CMC1: variants seen among roughly 807,000 people sequenced by gnomAD.
The protein encoded by CMC1 is COX assembly mitochondrial protein homolog.
In CMC1, 14 loss-of-function variants were observed where a neutral mutation model predicts 14.1. That is an observed-to-expected ratio of 0.99 (90% CI 0.66 to 1.55). The LOEUF is 1.55. CMC1 is among the 40% of genes most tolerant of loss of function. The pLI, the probability that CMC1 is intolerant of heterozygous loss-of-function variation, is 0.00. For missense variants in CMC1, 127 were observed against 123.8 expected, an observed-to-expected ratio of 1.03 and a Z score of -0.12; for synonymous variants, 50 against 38.4, an observed-to-expected ratio of 1.30 and a Z score of -1.12.
rs1265139321 is a variant in CMC1, at chr3:28,274,206, G to GTTT, written c.109+10829_109+10831dup. ...GTGTCATTGGTCTTTGTACTAAAGTGTTTTTGTTTTTTTCTTTTTTTTTTT... is the reference window on the plus strand; with the variant it reads ...GTGTCATTGGTCTTTGTACTAAAGTGTTTTTTTTGTTTTTTTCTTTTTTTTTTT... On this transcript the variant is annotated intron_variant, in intron 2 of 3. Coordinates refer to ENST00000466830, the MANE Select transcript of CMC1 (RefSeq NM_182523.2). 8.9e-4 allele frequency among the ~76,000 whole-genome samples: 74 copies of GTTT among 83,026 alleles called. 1 individual carries two copies. Among genetic ancestry groups the GTTT allele is most frequent in the Middle Eastern group, 0.013 (2 of 160 alleles). 54.5% of individuals were successfully genotyped at this position (83,026 alleles called of 152,430 possible).
chr3:28,282,080 T>G (rs1457258713), intron 2 of CMC1, among the ~76,000 whole-genome samples: 3 of 152,190 alleles, frequency 2.0e-5, no homozygotes, highest in African/African-American at 7.2e-5. Context: ...CCTCCCTTTA[T>G]TCATTTTTTT....
At chr3:28,293,318 T>C (rs1701576484) in intron 2 of CMC1, among the ~76,000 whole-genome samples, 1 of 151,806 alleles carries the variant, frequency 6.6e-6, no homozygotes, top group South Asian at 2.1e-4. Flanking sequence ...TTTTTTTTTT[T>C]TTTCGAGTGG....
chr3:28,270,228 A>G (rs1390175304), intron 2 of CMC1, among the ~76,000 whole-genome samples: 1 of 152,204 alleles, frequency 6.6e-6, no homozygotes, highest in African/African-American at 2.4e-5. Flanking sequence ...ATACACATGC[A>G]TATATCTTTA....
chr3:28,252,360 C>T (rs1047626006), intron 1 of CMC1, among the ~76,000 whole-genome samples: 2 of 152,194 alleles, frequency 1.3e-5, no homozygotes, highest in Non-Finnish European at 2.9e-5. Flanking sequence ...ATAGGCACAT[C>T]TACCTCACTG....
intron 2 of CMC1, among the ~76,000 whole-genome samples, chr3:28,264,907 T>G (rs756873853): frequency 2.0e-5 from 3 of 152,164 alleles, no homozygotes; most frequent in Non-Finnish European, 4.4e-5. Context: ...GATTTAATTT[T>G]TACTGACATA....
chr3:28,309,244 G>GTAAC (rs1008432996), intron 2 of CMC1, among the ~76,000 whole-genome samples: 1 of 151,984 alleles, frequency 6.6e-6, no homozygotes, highest in African/African-American at 2.4e-5. Flanking sequence ...CAACTCATAG[G>GTAAC]TAACTGCCTT....
At position 28,271,494 on chromosome 3, in the gene CMC1, C is replaced by T. The variant is rs191242688; in HGVS notation, c.109+8114C>T. ...CATTGCTTGTTTTTGTCAGGTTTGT[C>T]GAAGATCAGATAGTTGTAGATGTGC... On this transcript the variant is annotated intron_variant, in intron 2 of 3. Transcript: ENST00000466830. 3.5e-3 allele frequency among the ~76,000 whole-genome samples: 529 copies of T among 152,182 alleles called. 1 individual carries two copies. The highest frequency in any genetic ancestry group is 4.3e-3 in the Non-Finnish European group (294 of 68,022).
chr3:28,318,598 C>G lies in CMC1; in HGVS notation c.201-911C>G, dbSNP rs952131467. The stretch of plus-strand genomic sequence containing the variant: ...CCAAAAATGAACTGGGCTCCTTTTG[C>G]TCGTCCTACAACGTGTCTTTGTGAA... On this transcript the variant is annotated intron_variant, in intron 3 of 3. Coordinates refer to ENST00000466830, the MANE Select transcript of CMC1 (RefSeq NM_182523.2). The G allele has an allele frequency of 2.0e-5, 3 of 151,616 alleles. No homozygotes were observed. The East Asian group carries it at 5.8e-4, about 29-fold the overall frequency. The allele number at this position is 151,616 out of a possible 1,614,324, so 9.4% of individuals were successfully genotyped here.
intron 2 of CMC1, among the ~76,000 whole-genome samples, chr3:28,309,861 A>ACACACACACACACAC (rs1559444334): frequency 7.7e-6 from 1 of 129,506 alleles, no homozygotes; most frequent in Non-Finnish European, 1.7e-5. Context: ...ACACACACAC[A>ACACACACACACACAC]AGCTAATTGC....
chr3:28,324,612 G>T lies in CMC1; in HGVS notation c.*4983G>T. 1.8e-6 allele frequency: 1 copy of T among 565,492 alleles called. No homozygotes were observed. The highest frequency in any genetic ancestry group is 2.7e-6 in the Non-Finnish European group (1 of 367,620). The allele number at this position is 565,492 out of a possible 1,614,324, so 35.0% of individuals were successfully genotyped here. On this transcript the variant is annotated 3_prime_UTR_variant, in exon 4 of 4. Coordinates refer to ENST00000466830, the MANE Select transcript of CMC1 (RefSeq NM_182523.2). ...CACTGTGACTAGGAGATAAATGACA[G>T]ATGATCTGAGTTTTAATCCTGGATC...
intron 1 of CMC1, among the ~76,000 whole-genome samples, chr3:28,259,104 C>T (rs1242491607): frequency 1.3e-5 from 2 of 151,828 alleles, no homozygotes; most frequent in East Asian, 3.9e-4. Context: ...GTCCTTTGTG[C>T]TTCCTTGTAT....
At chr3:28,301,051 C>T (rs1056113547) in intron 2 of CMC1, among the ~76,000 whole-genome samples, 2 of 151,164 alleles carry the variant, frequency 1.3e-5, no homozygotes, top group Non-Finnish European at 2.9e-5. Flanking sequence ...CATAGTATTT[C>T]GTGATACAGT....
At chr3:28,285,925 C>T (rs1331752259) in intron 2 of CMC1, among the ~76,000 whole-genome samples, 2 of 151,956 alleles carry the variant, frequency 1.3e-5, no homozygotes, top group African/African-American at 2.4e-5. Flanking sequence ...CCACCACACC[C>T]GGCTAATTTT....
chr3:28,316,380 T>A lies in CMC1; in HGVS notation c.157T>A (p.Cys53Ser), dbSNP rs1326390228. ...CTCTGGAGTTCTTATGGTAGTAAAA[T>A]GCCGGAAAGAAAATTCTGCATTGAA... The part of the protein sequence containing the change: ...KNSGVLMVVK[C>S]RKENSALKEC... The change falls in exon 3 of 4, where the codon TGC (cysteine) becomes AGC (serine). Residue 53 changes from cysteine (C) to serine (S), a missense_variant. Physicochemically the swap from Cys to Ser is moderately radical, Grantham distance 112 (BLOSUM62 -1). Coordinates refer to ENST00000466830, the MANE Select transcript of CMC1 (RefSeq NM_182523.2). 6.3e-7 allele frequency: 1 copy of A among 1,599,070 alleles called. No homozygotes were observed. The highest frequency in any genetic ancestry group is 2.2e-5 in the East Asian group (1 of 44,460).
chr3:28,262,821 A>G (rs541184093), intron 1 of CMC1, among the ~76,000 whole-genome samples: 2 of 152,280 alleles, frequency 1.3e-5, no homozygotes, highest in East Asian at 3.9e-4. Flanking sequence ...CTTTGTTTTC[A>G]TATGGACTTG....
intron 1 of CMC1, among the ~76,000 whole-genome samples, chr3:28,259,327 C>A (rs1453484830): frequency 6.6e-6 from 1 of 151,946 alleles, no homozygotes; most frequent in Non-Finnish European, 1.5e-5. Context: ...ATATTACTCT[C>A]TTAATGTATA....
chr3:28,263,221 G>A, intron 1 of CMC1, 70 bp from the exon 2 acceptor site: 1 of 1,055,974 alleles, frequency 9.5e-7, no homozygotes, highest in Non-Finnish European at 1.4e-6. Flanking sequence ...AAGTAAACCA[G>A]AGTCTTATTT....
At chr3:28,306,198 GA>G (rs2125588251) in intron 2 of CMC1, among the ~76,000 whole-genome samples, 1 of 152,138 alleles carries the variant, frequency 6.6e-6, no homozygotes, top group Admixed American at 6.5e-5. Flanking sequence ...TAAATTTTAG[GA>G]TAGTTTTTTC....
At chr3:28,316,203 A>T in intron 2 of CMC1, 130 bp from the exon 3 acceptor site, 1 of 543,452 alleles carries the variant, frequency 1.8e-6, no homozygotes. Context: ...AGTGAGCTAT[A>T]ATCATGCCAC....
Sources: gnomAD v4.1 joint callset for allele counts (sites outside exome capture counted in the v4.1 genomes callset) on GRCh38, gnomAD v4.1.1 for gene constraint, MANE v1.5 for transcripts, NCBI Gene and HGNC (gene_info 2026-07-23, HGNC 2026-07-21) for gene names.